Variants in IL12RB1 observed in about 807,000 individuals in gnomAD.
IL12RB1 encodes the protein interleukin-12 receptor subunit beta-1.
IL12RB1 carries 64 observed loss-of-function variants against 94.4 expected under a neutral mutation model. That is an observed-to-expected ratio of 0.68 (90% CI 0.55 to 0.83). IL12RB1 has a LOEUF of 0.83. IL12RB1 is among the 40% of genes least tolerant of loss of function. The pLI is 0.00. For synonymous variants in IL12RB1, 362 were observed against 355.5 expected, an observed-to-expected ratio of 1.02 and a Z score of -0.21; for missense variants, 814 against 855.6, an observed-to-expected ratio of 0.95 and a Z score of 0.61.
chr19:18,091,395 C>CA (rs2036619605), upstream of IL12RB1: 1 of 152,244 alleles, frequency 6.6e-6, no homozygotes, highest in Admixed American at 6.5e-5. Flanking sequence ...AGGATCGAGT[C>CA]ACGAGGGCCC....
chr19:18,082,057 A>T (rs2035950063), intron 3 of IL12RB1, 93 bp downstream of exon 3: 2 of 770,122 alleles, frequency 2.6e-6, no homozygotes, highest in South Asian at 2.9e-5. Flanking sequence ...TGACCCAGCC[A>T]AGATCACGCA....
Position 18,076,314 on chromosome 19 carries a change from G to A in IL12RB1, c.563C>T (p.Pro188Leu). Reference sequence around the variant, plus strand: ...ATTCTCACCAGTATCATCATCCTGAGGTCCGCAGTCGCCCTAGAATAAAAA... The same window carrying A: ...ATTCTCACCAGTATCATCATCCTGAAGTCCGCAGTCGCCCTAGAATAAAAA... The part of the protein sequence containing the change: ...SSPWKLGDCG[P>L]QDDDTESCLC... Residue 188 changes from proline to leucine, a missense_variant, in exon 6 of 17, where the codon CCT becomes CTT. Coordinates refer to ENST00000593993, the MANE Select transcript of IL12RB1 (RefSeq NM_005535.3). 1 of 1,435,232 alleles carries A rather than the reference G, an allele frequency of 7.0e-7. No individual in the cohort carries two copies. The highest frequency in any genetic ancestry group is 9.8e-7 in the Non-Finnish European group (1 of 1,016,670). The allele number at this position is 1,435,232 out of a possible 1,614,324, so 88.9% of individuals were successfully genotyped here. A position where few individuals can be genotyped will look rare whatever the true frequency, so the allele number is the denominator to read the frequency against.
At chr19:18,083,925 A>G (rs755309307) in intron 1 of IL12RB1, among the ~76,000 whole-genome samples, 41 of 148,952 alleles carry the variant, frequency 2.8e-4, no homozygotes, top group Admixed American at 3.3e-4. Flanking sequence ...CTATCCATCC[A>G]TCCATCCACC....
chr19:18,067,507 A>G (rs1041486113), intron 11 of IL12RB1, among the ~76,000 whole-genome samples: 1 of 151,940 alleles, frequency 6.6e-6, no homozygotes, highest in Non-Finnish European at 1.5e-5. Flanking sequence ...TCTTATCTAT[A>G]AAATGGACAA....
Position 18,082,157 on chromosome 19 carries a change from G to T in IL12RB1, c.232C>A (p.Arg78=). ...GPTAGVSHFL[R]CCLSSGRCCY... is the part of the protein sequence containing the mutation. ...TGGTAGAGGGGTCCTCACCAACACC[G>T]CAGGAAGTGGCTGACCCCAGCTGTG... is the stretch of plus-strand genomic sequence containing the variant. The change falls in exon 3 of 17, where the codon CGG becomes AGG. Residue 78 remains arginine (R), a synonymous_variant. Coordinates refer to ENST00000593993, the MANE Select transcript of IL12RB1 (RefSeq NM_005535.3). 1 of 1,601,534 alleles carries T rather than the reference G, an allele frequency of 6.2e-7. No individual in the cohort carries two copies. The highest frequency in any genetic ancestry group is 8.6e-7 in the Non-Finnish European group (1 of 1,168,786).
chr19:18,079,753 C>G (rs62121148), intron 4 of IL12RB1, among the ~76,000 whole-genome samples: 1 of 151,676 alleles, frequency 6.6e-6, no homozygotes, highest in Non-Finnish European at 1.5e-5. Flanking sequence ...AAAACTTAGC[C>G]GGGCGCGGTG....
chr19:18,093,344 A>ATATATATATATG (rs1224767884), intron 1 of IL12RB1, among the ~76,000 whole-genome samples: 2 of 142,602 alleles, frequency 1.4e-5, no homozygotes, highest in African/African-American at 2.7e-5. Flanking sequence ...ATATATATAT[A>ATATATATATATG]TATACTTGTG....
intron 1 of IL12RB1, among the ~76,000 whole-genome samples, chr19:18,098,454 C>T (rs1262129288): frequency 5.3e-5 from 8 of 152,130 alleles, no homozygotes; most frequent in Non-Finnish European, 1.2e-4. Context: ...ACCCTTGCTT[C>T]TCTGGGCCTC....
chr19:18,073,381 A>T, intron 8 of IL12RB1, 136 bp downstream of exon 8: 1 of 699,948 alleles, frequency 1.4e-6, no homozygotes, highest in South Asian at 1.5e-5. Flanking sequence ...TTCAGAGTTA[A>T]ACCCACAATT....
At chr19:18,060,112 T>C (rs1038552875) in intron 15 of IL12RB1, 27 bp from the exon 16 acceptor site, 2 of 1,343,124 alleles carry the variant, frequency 1.5e-6, no homozygotes, top group Non-Finnish European at 2.1e-6. Context: ...GGGCCACAGC[T>C]GTGAGCAGAG....
intron 12 of IL12RB1, among the ~76,000 whole-genome samples, chr19:18,066,257 G>A (rs1179551025): frequency 1.3e-5 from 2 of 151,924 alleles, no homozygotes; most frequent in African/African-American, 4.8e-5. Context: ...ACAGGCATGT[G>A]CCACCATGCC....
rs569761605 is a variant in IL12RB1, at chr19:18,079,252, C to T, written c.409+1580G>A. ...CCGAGTAGCTGGAATTACAGGCGCC[C>T]GCCACCACACTCGGCTAATTTTTGT... On this transcript the variant is annotated intron_variant, in intron 4 of 16. Transcript: ENST00000593993. 3.3e-5 allele frequency among the ~76,000 whole-genome samples: 5 copies of T among 151,700 alleles called. No homozygotes were observed. The East Asian group carries it at 5.8e-4, about 18-fold the overall frequency.
rs1468424882 is a variant in IL12RB1, at chr19:18,066,547, A to G, written c.1478T>C (p.Val493Ala). ...GTCTGCACTGCCTCACGTACCTGAC[A>G]CCTGTTTGCTGTCTTCATCTCGGCA... ...VRCRDEDSKQVSEHPVQPTET... is the reference protein window; with the variant it reads ...VRCRDEDSKQASEHPVQPTET... Residue 493 changes from valine (V) to alanine (A), a missense_variant, in exon 12 of 17, where the codon GTG becomes GCG. Val to Ala is a moderately conservative substitution (Grantham distance 64, BLOSUM62 0). Transcript: ENST00000593993. 1 of 1,612,332 alleles carries G rather than the reference A, an allele frequency of 6.2e-7. No homozygotes were observed. Among genetic ancestry groups the G allele is most frequent in the Non-Finnish European group, 8.5e-7 (1 of 1,178,732 alleles).
chr19:18,069,574 C>A lies in IL12RB1; in HGVS notation c.1161G>T (p.Ala387=). ...TTCCAGCCGGATCCGGGTCTTGCGG[C>A]GCAGTCAGGCTGCAGGTGGCAAGGC... The part of the protein sequence containing the change: ...DGGLATCSLT[A]PQDPDPAGMA... The change falls in exon 10 of 17, where the codon GCG becomes GCT. Residue 387 remains alanine (A), a synonymous_variant. Transcript: ENST00000593993. The A allele has an allele frequency of 6.2e-7, 1 of 1,611,138 alleles. No individual in the cohort carries two copies. Among genetic ancestry groups the A allele is most frequent in the Non-Finnish European group, 8.5e-7 (1 of 1,179,784 alleles).
intron 15 of IL12RB1, among the ~76,000 whole-genome samples, chr19:18,060,576 C>T (rs1259835386): frequency 6.6e-6 from 1 of 152,100 alleles, no homozygotes. Flanking sequence ...ATTTCCCTCC[C>T]TCTTTTCACA....
At chr19:18,079,619 A>C (rs2035733508) in intron 4 of IL12RB1, among the ~76,000 whole-genome samples, 2 of 151,300 alleles carry the variant, frequency 1.3e-5, no homozygotes, top group South Asian at 4.2e-4. Context: ...AAGATTATAC[A>C]TGTAAGTGGG....
chr19:18,066,824 C>T, intron 11 of IL12RB1, 127 bp from the exon 12 acceptor site: 1 of 691,236 alleles, frequency 1.4e-6, no homozygotes, highest in Non-Finnish European at 2.6e-6. Context: ...GCCAGGAGTT[C>T]AAGACCAGCC....
chr19:18,090,058 A>G (rs2146549110), upstream of IL12RB1, among the ~76,000 whole-genome samples: 1 of 152,324 alleles, frequency 6.6e-6, no homozygotes, highest in East Asian at 1.9e-4. Context: ...ACAGAGATAG[A>G]GAGATACATA....
At chr19:18,087,147 C>T (rs1334994954), upstream of IL12RB1, 5 of 438,480 alleles carry the variant, frequency 1.1e-5, no homozygotes, top group Non-Finnish European at 1.7e-5. Context: ...ATGCCAGCCC[C>T]ATGGGCCCAT....
Sources: gnomAD v4.1 joint callset for allele counts (sites outside exome capture counted in the v4.1 genomes callset) on GRCh38, gnomAD v4.1.1 for gene constraint, MANE v1.5 for transcripts, NCBI Gene and HGNC (gene_info 2026-07-23, HGNC 2026-07-21) for gene names.